PDE1C: variants seen among roughly 807,000 people sequenced by gnomAD.
PDE1C encodes the protein dual specificity calcium/calmodulin-dependent 3',5'-cyclic nucleotide phosphodiesterase 1C.
PDE1C carries 62 observed loss-of-function variants against 93.1 expected under a neutral mutation model. The observed-to-expected ratio is 0.67, with a 90% CI of 0.54 to 0.82. PDE1C has a LOEUF of 0.82. PDE1C is among the 40% of genes least tolerant of loss of function. The probability of loss-of-function intolerance (pLI) is 0.00; values close to 1 mark genes in which losing one functional copy is unlikely to be tolerated. For missense variants in PDE1C, 742 were observed against 884.6 expected (o/e 0.84, Z 2.04); for synonymous variants, 325 against 310.1 (o/e 1.05, Z -0.50).
chr7:31,925,045 G>C (rs1478267591), intron 2 of PDE1C, among the ~76,000 whole-genome samples: 15 of 24,848 alleles, frequency 6.0e-4, no homozygotes, highest in East Asian at 2.2e-3. Context: ...ATTTCTGTGT[G>C]TGTGTGTGTG....
chr7:32,097,450 G>C (rs920201990), intron 3 of PDE1C, among the ~76,000 whole-genome samples: 1 of 152,154 alleles, frequency 6.6e-6, no homozygotes, highest in African/African-American at 2.4e-5. Flanking sequence ...TAAATAACTG[G>C]AGGAAACATT....
At chr7:32,322,658 G>T (rs13244617) in intron 1 of PDE1C, among the ~76,000 whole-genome samples, 4 of 146,332 alleles carry the variant, frequency 2.7e-5, no homozygotes, top group Non-Finnish European at 6.0e-5. Flanking sequence ...GCTCTCTCAC[G>T]CAGGCTGGAG....
the PDE1C span, among the ~76,000 whole-genome samples, chr7:31,638,983 G>A: frequency 2.6e-4 from 39 of 152,194 alleles, 1 homozygote; most frequent in African/African-American, 8.9e-4. Flanking sequence ...CACCATGTTG[G>A]CCAGGCTGGT....
chr7:31,835,927 A>G (rs146315087), intron 11 of PDE1C, among the ~76,000 whole-genome samples: 1 of 152,278 alleles, frequency 6.6e-6, no homozygotes, highest in African/African-American at 2.4e-5. Flanking sequence ...CACAATCTAA[A>G]TTTATTCAGA....
intron 16 of PDE1C, chr7:31,783,779 T>C (rs1166123442): frequency 1.3e-5 from 2 of 152,162 alleles, no homozygotes; most frequent in Non-Finnish European, 2.9e-5. Flanking sequence ...TTAAGCAGCA[T>C]CTTAGAGAAC....
intron 1 of PDE1C, among the ~76,000 whole-genome samples, chr7:32,242,282 T>C (rs574107431): frequency 1.3e-5 from 2 of 152,068 alleles, no homozygotes; most frequent in African/African-American, 4.8e-5. Flanking sequence ...ACAATGAAGA[T>C]AGGTTCAAGA....
At chr7:31,674,078 G>T in the PDE1C span, among the ~76,000 whole-genome samples, 1 of 152,158 alleles carries the variant, frequency 6.6e-6, no homozygotes, top group Non-Finnish European at 1.5e-5. Context: ...TTGCACAAAT[G>T]CATACACCTG....
At chr7:31,623,020 C>T in the PDE1C span, among the ~76,000 whole-genome samples, 3 of 152,158 alleles carry the variant, frequency 2.0e-5, no homozygotes, top group African/African-American at 7.2e-5. Context: ...TGGATAAATT[C>T]CTCAACACAT....
intron 1 of PDE1C, among the ~76,000 whole-genome samples, chr7:32,417,341 A>T (rs1168743461): frequency 1.3e-5 from 2 of 152,044 alleles, no homozygotes; most frequent in East Asian, 3.9e-4. Flanking sequence ...CCCTACTAAA[A>T]ACATCCCACT....
intron 3 of PDE1C, among the ~76,000 whole-genome samples, chr7:32,154,234 G>C (rs1801434069): frequency 6.6e-6 from 1 of 152,072 alleles, no homozygotes; most frequent in African/African-American, 2.4e-5. Context: ...ACTCCACCCT[G>C]GGTGACAGAG....
the PDE1C span, among the ~76,000 whole-genome samples, chr7:31,715,928 C>G: frequency 1.3e-5 from 2 of 152,132 alleles, no homozygotes; most frequent in African/African-American, 2.4e-5. Flanking sequence ...ATAGCCCTTG[C>G]CTACTTGTGC....
the PDE1C span, chr7:31,653,424 G>C: frequency 6.5e-6 from 1 of 153,176 alleles, no homozygotes; most frequent in Non-Finnish European, 1.5e-5. Context: ...ACATAGGGCA[G>C]AGGAAGCAAT....
intron 1 of PDE1C, among the ~76,000 whole-genome samples, chr7:32,232,588 C>T (rs11764193): frequency 0.15 from 23,051 of 152,074 alleles, 2,170 homozygotes; most frequent in African/African-American, 0.26. Flanking sequence ...AAAAGCAGAG[C>T]CTCAGGGACC....
At chr7:31,655,812 T>A in the PDE1C span, 6 of 985,664 alleles carry the variant, frequency 6.1e-6, no homozygotes, top group South Asian at 2.8e-4. Flanking sequence ...CTTCTCCATG[T>A]AGACTCCGAG....
In PDE1C at chr7:32,194,271, C is replaced by T. The variant is rs565965808; in HGVS notation, c.136+15218G>A. ...AGTCATCAAATATATCTGTGTAGCACGGTTCACAGTATTCCCTTATTATCC... is the reference window on the plus strand; with the variant it reads ...AGTCATCAAATATATCTGTGTAGCATGGTTCACAGTATTCCCTTATTATCC... On this transcript the variant is annotated intron_variant, in intron 2 of 18. Transcript: ENST00000396193. Among the ~76,000 whole-genome samples, 79 of 152,264 alleles carry T rather than the reference C, an allele frequency of 5.2e-4. No individual in the cohort carries two copies. The South Asian group carries it at 0.015, about 28-fold the overall frequency.
intron 10 of PDE1C, 120 bp from the exon 11 acceptor site, chr7:31,837,420 G>A: frequency 1.1e-6 from 1 of 878,522 alleles, no homozygotes. Flanking sequence ...CCCCACTTCA[G>A]CTAAATTGAG....
At chr7:31,872,642 T>C (rs1562951620) in intron 6 of PDE1C, among the ~76,000 whole-genome samples, 2 of 152,140 alleles carry the variant, frequency 1.3e-5, no homozygotes, top group East Asian at 3.9e-4. Flanking sequence ...CTCATCCCTT[T>C]GATGAGGGAA....
chr7:31,934,814 G>A (rs1253817666), intron 2 of PDE1C, among the ~76,000 whole-genome samples: 4 of 152,068 alleles, frequency 2.6e-5, no homozygotes, highest in Non-Finnish European at 5.9e-5. Context: ...CTTGCCTGCC[G>A]TTCTTTTATA....
chr7:31,982,531 T>C (rs1812522952), intron 2 of PDE1C, among the ~76,000 whole-genome samples: 1 of 152,124 alleles, frequency 6.6e-6, no homozygotes, highest in Admixed American at 6.5e-5. Flanking sequence ...GAAGGTTCTA[T>C]GATTTTTTTA....
Sources: gnomAD v4.1 joint callset for allele counts (sites outside exome capture counted in the v4.1 genomes callset) on GRCh38, gnomAD v4.1.1 for gene constraint, MANE v1.5 for transcripts, NCBI Gene and HGNC (gene_info 2026-07-23, HGNC 2026-07-21) for gene names.